Variants in FHAD1 observed in about 807,000 individuals in gnomAD.
FHAD1 encodes the protein forkhead-associated domain-containing protein 1.
FHAD1 carries 146 observed loss-of-function variants against 191.3 expected under a neutral mutation model. The observed-to-expected ratio is 0.76, with a 90% CI of 0.67 to 0.88. The LOEUF is 0.88. Among genes scored for constraint, FHAD1 ranks in the 40% least tolerant of loss-of-function variants. FHAD1 has a pLI of 0.00. For synonymous variants in FHAD1, 616 were observed against 672.3 expected (o/e 0.92, Z 1.29); for missense variants, 1,635 against 1,785.8 (o/e 0.92, Z 1.52).
intron 14 of FHAD1, among the ~76,000 whole-genome samples, chr1:15,331,486 T>TGATGGATG (rs140320304): frequency 2.4e-4 from 20 of 83,168 alleles, no homozygotes; most frequent in African/African-American, 7.0e-4. Flanking sequence ...GTGGGTGGAT[T>TGATGGATG]GATGGATGGA....
Position 15,358,124 on chromosome 1 carries a change from A to G in FHAD1, c.2577A>G (p.Lys859=). ...LTKQKEELEL[K]EQKEDVLNNK... ...TTTTTGTCTAGGAATTAGAATTAAA[A>G]GAGCAAAAAGAGGACGTTTTAAATA... The change falls in exon 21 of 34, where the codon AAA becomes AAG. Residue 859 remains lysine (K), a synonymous_variant. Coordinates refer to ENST00000688493, the MANE Select transcript of FHAD1 (RefSeq NM_001391957.1). 6.6e-7 allele frequency: 1 copy of G among 1,508,236 alleles called. No individual in the cohort carries two copies. The highest frequency in any genetic ancestry group is 8.8e-7 in the Non-Finnish European group (1 of 1,135,284). 93.4% of individuals were successfully genotyped at this position (1,508,236 alleles called of 1,614,324 possible).
At chr1:15,248,879 T>C (rs1035687371) in intron 1 of FHAD1, among the ~76,000 whole-genome samples, 4 of 152,138 alleles carry the variant, frequency 2.6e-5, no homozygotes, top group Non-Finnish European at 5.9e-5. Context: ...TGAGCCACCG[T>C]GCCCAGCCAG....
chr1:15,261,306 A>G (rs1650933639), intron 2 of FHAD1, among the ~76,000 whole-genome samples: 1 of 152,170 alleles, frequency 6.6e-6, no homozygotes, highest in South Asian at 2.1e-4. Flanking sequence ...GGTGGGATTC[A>G]TAGTCAGGCT....
In FHAD1 at chr1:15,260,619, G is replaced by C. The variant is rs145717942; in HGVS notation, c.93+8742G>C. Reference sequence around the variant, plus strand: ...GCCTCTGTGTCCTCACTGGCCATCGGTTGGAGGCCAGCCTCAGCTTCAGAG... The same window carrying C: ...GCCTCTGTGTCCTCACTGGCCATCGCTTGGAGGCCAGCCTCAGCTTCAGAG... On this transcript the variant is annotated intron_variant, in intron 2 of 33. Coordinates refer to ENST00000688493, the MANE Select transcript of FHAD1 (RefSeq NM_001391957.1). Among the ~76,000 whole-genome samples, 646 of 152,318 alleles carry C rather than the reference G, an allele frequency of 4.2e-3. 6 individuals carry two copies. The highest frequency in any genetic ancestry group is 0.015 in the African/African-American group (606 of 41,570).
intron 1 of FHAD1, among the ~76,000 whole-genome samples, chr1:15,239,175 G>A (rs144161098): frequency 3.9e-3 from 593 of 152,248 alleles, no homozygotes; most frequent in Non-Finnish European, 6.6e-3. Flanking sequence ...CCAAAGTGCT[G>A]GGATTACAGG....
chr1:15,338,135 C>G (rs968186619), intron 14 of FHAD1, among the ~76,000 whole-genome samples: 1 of 152,166 alleles, frequency 6.6e-6, no homozygotes, highest in Non-Finnish European at 1.5e-5. Context: ...ATCCCACCCC[C>G]ACCACCCCCA....
At chr1:15,386,604 C>T (rs180864532) in intron 31 of FHAD1, among the ~76,000 whole-genome samples, 16 of 152,326 alleles carry the variant, frequency 1.1e-4, no homozygotes, top group Admixed American at 2.0e-4. Flanking sequence ...GCTCCCCTTC[C>T]GGGCTCCAGC....
intron 9 of FHAD1, among the ~76,000 whole-genome samples, chr1:15,317,598 A>T (rs1674894222): frequency 1.3e-5 from 2 of 152,222 alleles, no homozygotes; most frequent in Admixed American, 6.5e-5. Context: ...AAAGAAACTA[A>T]TTTCCTTTAT....
In FHAD1 at chr1:15,299,224, A is replaced by AAGG. The variant is rs1558042076; in HGVS notation, c.679-1980_679-1979insGGA. ...CAAAAAAAAAAAAAAAAAAGGAAAA[A>AAGG]AAAAAAAAGAAAGAAAGAAAGCATT... On this transcript the variant is annotated intron_variant, in intron 5 of 33. Coordinates refer to ENST00000688493, the MANE Select transcript of FHAD1 (RefSeq NM_001391957.1). 4.7e-3 allele frequency among the ~76,000 whole-genome samples: 687 copies of AAGG among 147,448 alleles called. 5 individuals carry two copies. Among genetic ancestry groups the AAGG allele is most frequent in the Non-Finnish European group, 8.3e-3 (554 of 66,698 alleles).
chr1:15,373,827 C>T (rs1161421103), intron 26 of FHAD1, among the ~76,000 whole-genome samples: 1 of 152,166 alleles, frequency 6.6e-6, no homozygotes. Flanking sequence ...ACCTGGGCAA[C>T]AGAGCAAGAC....
chr1:15,309,487 C>G (rs1039491419), intron 7 of FHAD1, among the ~76,000 whole-genome samples: 12 of 152,134 alleles, frequency 7.9e-5, no homozygotes, highest in Admixed American at 3.3e-4. Context: ...GAGATCAGTG[C>G]TCCAGAGGAA....
chr1:15,304,116 C>T (rs1574150302), intron 6 of FHAD1, among the ~76,000 whole-genome samples: 1 of 152,348 alleles, frequency 6.6e-6, no homozygotes, highest in African/African-American at 2.4e-5. Flanking sequence ...TCTCCTGGGT[C>T]TCCTGAAAGT....
intron 29 of FHAD1, 36 bp downstream of exon 29, chr1:15,380,832 A>G (rs1462128121): frequency 6.6e-7 from 1 of 1,517,068 alleles, no homozygotes; most frequent in South Asian, 1.2e-5. Flanking sequence ...CTCCTATCCA[A>G]AGCCTGGGGC....
intron 10 of FHAD1, among the ~76,000 whole-genome samples, chr1:15,323,073 T>G (rs1182992490): frequency 6.6e-6 from 1 of 152,164 alleles, no homozygotes; most frequent in Admixed American, 6.5e-5. Context: ...CACGGGAAAG[T>G]CCGGCCCCCA....
At chr1:15,372,339 G>C (rs1047742651) in intron 26 of FHAD1, among the ~76,000 whole-genome samples, 1 of 152,218 alleles carries the variant, frequency 6.6e-6, no homozygotes, top group African/African-American at 2.4e-5. Flanking sequence ...CTAGCACAGG[G>C]CCGGGGATGT....
rs7532559 is a variant in FHAD1 at position 15,327,007 on chromosome 1, A to C, written c.1474-52A>C. On this transcript the variant is annotated intron_variant, in intron 11 of 33. Coordinates refer to ENST00000688493, the MANE Select transcript of FHAD1 (RefSeq NM_001391957.1). The surrounding 1 kb of genome is among the most constrained non-coding windows in gnomAD (Gnocchi z 5.1). ...ACCCTGCCATGGAAACGCTGCCCCC[A>C]CTTGCCGGCCCCTGCTGACCCCCTG... 8.5e-7 allele frequency: 1 copy of C among 1,179,958 alleles called. No homozygotes were observed. The highest frequency in any genetic ancestry group is 1.2e-6 in the Non-Finnish European group (1 of 812,498). The allele number at this position is 1,179,958 out of a possible 1,614,324, so 73.1% of individuals were successfully genotyped here.
intron 31 of FHAD1, chr1:15,383,243 G>A (rs932346755): frequency 1.7e-5 from 8 of 469,948 alleles, no homozygotes; most frequent in Admixed American, 7.0e-5. Context: ...GTCCACTCTC[G>A]CTGTCGTCAT....
In FHAD1 at chr1:15,327,156, C is replaced by A. The variant is rs1391505193; in HGVS notation, c.1557+14C>A. 1 of 1,536,876 alleles carries A rather than the reference C, an allele frequency of 6.5e-7. No individual in the cohort carries two copies. Among genetic ancestry groups the A allele is most frequent in the South Asian group, 1.2e-5 (1 of 83,642 alleles). On this transcript the variant is annotated intron_variant, in intron 12 of 33. Transcript: ENST00000688493. This position sits in a 1 kb window ranked among gnomAD's most constrained non-coding sequence, Gnocchi z 5.1. ...ACCGACCAACAGGTTAGTCTGCCGT[C>A]CCTGCCACGTGGCTCCTTCACTTTC... is the stretch of plus-strand genomic sequence containing the variant.
chr1:15,299,219 G>GAAAAAAAAAAAAAAAAAAAAAGA (rs796954256), intron 5 of FHAD1, among the ~76,000 whole-genome samples: 1 of 119,508 alleles, frequency 8.4e-6, no homozygotes, highest in Non-Finnish European at 1.7e-5. Flanking sequence ...AAAAAAAAAG[G>GAAAAAAAAAAAAAAAAAAAAAGA]AAAAAAAAAA....
Sources: allele counts gnomAD v4.1 joint callset (sites outside exome capture counted in the v4.1 genomes callset), GRCh38; gene constraint gnomAD v4.1.1; non-coding constraint Gnocchi (gnomAD v3.1); transcripts MANE v1.5; gene names NCBI Gene and HGNC (gene_info 2026-07-23, HGNC 2026-07-21).